The following PAQR5 variants were observed in gnomAD, a reference collection of about 807,000 sequenced individuals.
The protein encoded by PAQR5 is membrane progestin receptor gamma.
A neutral mutation model predicts 34.5 loss-of-function variants in PAQR5; 20 were observed. That is an observed-to-expected ratio of 0.58 (90% CI 0.41 to 0.84). PAQR5 has a LOEUF of 0.84. Among genes scored for constraint, PAQR5 ranks in the 40% least tolerant of loss-of-function variants. The pLI, the probability that PAQR5 is intolerant of heterozygous loss-of-function variation, is 0.00. For synonymous variants in PAQR5, 131 were observed against 155.6 expected (o/e 0.84, Z 1.18); for missense variants, 378 against 412.7 (o/e 0.92, Z 0.73).
intron 1 of PAQR5, among the ~76,000 whole-genome samples, chr15:69,335,890 T>C (rs113101799): frequency 6.6e-6 from 1 of 152,168 alleles, no homozygotes; most frequent in African/African-American, 2.4e-5. Context: ...ATATAAAATT[T>C]TATTTAAAAA....
At chr15:69,359,879 T>C (rs1169530203) in intron 2 of PAQR5, 87 bp from the exon 3 acceptor site, 1 of 560,942 alleles carries the variant, frequency 1.8e-6, no homozygotes, top group Non-Finnish European at 3.2e-6. Flanking sequence ...AGCAAGTATA[T>C]GTTCAATAGT....
At position 69,404,830 on chromosome 15, in the gene PAQR5, G is replaced by A. The variant is rs1221645853; in HGVS notation, c.*1008G>A. 5.0e-6 allele frequency: 2 copies of A among 397,238 alleles called. No individual in the cohort carries two copies. Among genetic ancestry groups the A allele is most frequent in the Non-Finnish European group, 4.4e-6 (1 of 225,680 alleles). 24.6% of individuals were successfully genotyped at this position (397,238 alleles called of 1,614,324 possible). ...ATCCAGTAAGCTTGTGACAAATGCA[G>A]ACTCCTAGGGAAAACCAGGGGGTTC... On this transcript the variant is annotated 3_prime_UTR_variant, in exon 9 of 9. Transcript: ENST00000395407.
Position 69,360,015 on chromosome 15 carries a change from G to A in PAQR5, c.-66G>A, listed in dbSNP as rs936775437. ...CAGAGACGCCCCAGGCCATGTTAGA[G>A]CTTTGAGTGAGGCCTGGTAACAGGG... On this transcript the variant is annotated 5_prime_UTR_variant, in exon 3 of 9. Transcript: ENST00000395407. The A allele has an allele frequency of 2.8e-5, 36 of 1,300,068 alleles. No homozygotes were observed. The highest frequency in any genetic ancestry group is 2.5e-4 in the Admixed American group (15 of 59,052). The allele number at this position is 1,300,068 out of a possible 1,614,324, so 80.5% of individuals were successfully genotyped here. A position where few individuals can be genotyped will look rare whatever the true frequency, so the allele number is the denominator to read the frequency against.
intron 1 of PAQR5, among the ~76,000 whole-genome samples, chr15:69,319,103 C>T (rs2054021281): frequency 6.7e-6 from 1 of 149,192 alleles, no homozygotes; most frequent in African/African-American, 2.5e-5. Flanking sequence ...CACTGCACTC[C>T]AGCCTGGGCG....
Position 69,307,653 on chromosome 15 carries a change from C to T in PAQR5, c.-277+8597C>T, listed in dbSNP as rs147897332. On this transcript the variant is annotated intron_variant, in intron 1 of 8. Transcript: ENST00000395407. Reference sequence around the variant, plus strand: ...CTGCCCTGTGGACAGTGAGAAGTGTCGAAGGAGTTTTCATCAGGAAGTGAG... The same window carrying T: ...CTGCCCTGTGGACAGTGAGAAGTGTTGAAGGAGTTTTCATCAGGAAGTGAG... Among the ~76,000 whole-genome samples, 601 of 152,262 alleles carry T rather than the reference C, an allele frequency of 3.9e-3. 1 individual carries two copies. Among genetic ancestry groups the T allele is most frequent in the Middle Eastern group, 0.01 (3 of 294 alleles).
intron 2 of PAQR5, among the ~76,000 whole-genome samples, chr15:69,356,908 AAATGTAATCCCC>A (rs1175461314): frequency 6.6e-6 from 1 of 152,164 alleles, no homozygotes; most frequent in Admixed American, 6.5e-5. Flanking sequence ...TCTCATGTTG[AAATGTAATCCCC>A]AATGCTGAAG....
intron 3 of PAQR5, among the ~76,000 whole-genome samples, chr15:69,363,486 C>T (rs1325624824): frequency 2.0e-5 from 3 of 149,268 alleles, no homozygotes; most frequent in African/African-American, 4.9e-5. Context: ...TGCAACATGG[C>T]GTGACACTTT....
At chr15:69,310,898 G>GCGC (rs2053815743) in intron 1 of PAQR5, among the ~76,000 whole-genome samples, 1 of 151,660 alleles carries the variant, frequency 6.6e-6, no homozygotes, top group African/African-American at 2.4e-5. Flanking sequence ...AATTAGCCGG[G>GCGC]TGTGGTGGCG....
intron 1 of PAQR5, among the ~76,000 whole-genome samples, chr15:69,312,857 TG>T (rs1343208360): frequency 6.6e-6 from 1 of 152,028 alleles, no homozygotes; most frequent in Non-Finnish European, 1.5e-5. Context: ...TTTTTGGGGG[TG>T]GGGATTTGCC....
At chr15:69,387,157 C>T (rs769240965) in intron 5 of PAQR5, among the ~76,000 whole-genome samples, 25 of 152,348 alleles carry the variant, frequency 1.6e-4, no homozygotes, top group Non-Finnish European at 2.9e-4. Context: ...ACATCACCCT[C>T]CCACTGTCAG....
At chr15:69,362,934 C>T (rs951740435) in intron 3 of PAQR5, among the ~76,000 whole-genome samples, 2 of 152,184 alleles carry the variant, frequency 1.3e-5, no homozygotes, top group Non-Finnish European at 2.9e-5. Flanking sequence ...GGAGATGCAA[C>T]CTTCACTTGT....
At chr15:69,380,692 T>C (rs982282877) in intron 4 of PAQR5, among the ~76,000 whole-genome samples, 8 of 152,034 alleles carry the variant, frequency 5.3e-5, no homozygotes, top group African/African-American at 1.9e-4. Flanking sequence ...GCTTAAGGAA[T>C]GGAGGATGGA....
At position 69,300,803 on chromosome 15, in the gene PAQR5, C is replaced by T. The variant is rs367551062; in HGVS notation, c.-277+1747C>T. Among the ~76,000 whole-genome samples, 175 of 21,224 alleles carry T rather than the reference C, an allele frequency of 8.2e-3. 38 individuals are homozygous for T. The highest frequency in any genetic ancestry group is 0.019 in the African/African-American group (149 of 7,888). 13.9% of individuals were successfully genotyped at this position (21,224 alleles called of 152,430 possible). On this transcript the variant is annotated intron_variant, in intron 1 of 8. Transcript: ENST00000395407. Reference sequence around the variant, plus strand: ...CTCTCTCTCTTTCTTTCTTTCTTTCCTTCTTTCCTTCCTTCCTTCCTTCCT... The same window carrying T: ...CTCTCTCTCTTTCTTTCTTTCTTTCTTTCTTTCCTTCCTTCCTTCCTTCCT...
At chr15:69,347,698 C>T (rs1225874483) in intron 2 of PAQR5, among the ~76,000 whole-genome samples, 1 of 152,108 alleles carries the variant, frequency 6.6e-6, no homozygotes, top group Non-Finnish European at 1.5e-5. Context: ...TCTCACAGTT[C>T]AGGAGGCTGG....
chr15:69,321,884 G>A (rs2054104666), intron 1 of PAQR5, among the ~76,000 whole-genome samples: 1 of 152,186 alleles, frequency 6.6e-6, no homozygotes, highest in Non-Finnish European at 1.5e-5. Flanking sequence ...GACAAGCTGG[G>A]TCTGTCTTGA....
At chr15:69,322,725 G>GAAC (rs1333408055) in intron 1 of PAQR5, among the ~76,000 whole-genome samples, 1 of 29,356 alleles carries the variant, frequency 3.4e-5, no homozygotes, top group Non-Finnish European at 7.1e-5. Context: ...AGAAGAAGAA[G>GAAC]AAGAAGAAGA....
At chr15:69,303,122 G>A (rs775724972) in intron 1 of PAQR5, among the ~76,000 whole-genome samples, 5 of 152,258 alleles carry the variant, frequency 3.3e-5, no homozygotes, top group African/African-American at 9.6e-5. Context: ...CAGTTAACAC[G>A]TGCTGAGTAG....
chr15:69,397,180 T>C (rs1331325602), intron 6 of PAQR5: 2 of 542,110 alleles, frequency 3.7e-6, no homozygotes, highest in Non-Finnish European at 7.1e-6. Context: ...ACTTGGCCCT[T>C]GAAGGGTTTC....
chr15:69,328,186 A>G (rs1168178724), intron 1 of PAQR5, among the ~76,000 whole-genome samples: 2 of 152,178 alleles, frequency 1.3e-5, no homozygotes, highest in Non-Finnish European at 2.9e-5. Context: ...AATGATATAC[A>G]TCAAGCTAAT....
Sources: gnomAD v4.1 joint callset for allele counts (sites outside exome capture counted in the v4.1 genomes callset) on GRCh38, gnomAD v4.1.1 for gene constraint, MANE v1.5 for transcripts, NCBI Gene and HGNC (gene_info 2026-07-23, HGNC 2026-07-21) for gene names.